The following TLR4 variants were observed in gnomAD, a reference collection of about 807,000 sequenced individuals.
TLR4 encodes the protein toll-like receptor 4.
A neutral mutation model predicts 27.4 loss-of-function variants in TLR4; 17 were observed. The ratio of observed to expected loss-of-function variants is 0.62; its 90% confidence interval spans 0.42 to 0.93. The LOEUF (loss-of-function observed/expected upper bound fraction) is 0.93. Ranked by LOEUF, TLR4 falls within the 40% of genes least tolerant of loss-of-function variation. The pLI, the probability that TLR4 is intolerant of heterozygous loss-of-function variation, is 0.00. For missense variants in TLR4, 926 were observed against 962.3 expected, an observed-to-expected ratio of 0.96 and a Z score of 0.50; for synonymous variants, 363 against 365.7, an observed-to-expected ratio of 0.99 and a Z score of 0.08.
intron 2 of TLR4, 70 bp from the exon 3 acceptor site, chr9:117,712,319 G>A: frequency 2.1e-6 from 3 of 1,438,266 alleles, no homozygotes; most frequent in Non-Finnish European, 2.9e-6. Flanking sequence ...GGATGACTAG[G>A]ATTAATATTC....
chr9:117,710,684 C>T (rs1305905941), intron 2 of TLR4, among the ~76,000 whole-genome samples: 1 of 152,064 alleles, frequency 6.6e-6, no homozygotes, highest in Non-Finnish European at 1.5e-5. Context: ...CATACAGTAA[C>T]TCAACTAGTC....
rs749686003 is a variant in TLR4 at position 117,712,905 on chromosome 9, T to C, written c.777T>C (p.Val259=). The change falls in exon 3 of 3, where the codon GTT becomes GTC. Residue 259 remains valine, a synonymous_variant. Transcript: ENST00000355622. ...CTGGTTTAGAAGTCCATCGTTTGGT[T>C]CTGGGAGAATTTAGAAATGAAGGAA... ...GLAGLEVHRL[V]LGEFRNEGNL... is the part of the protein sequence containing the mutation. 3.1e-6 allele frequency: 5 copies of C among 1,614,006 alleles called. No homozygotes were observed. In the African/African-American group the frequency reaches 5.3e-5, roughly 17 times the overall value.
Position 117,712,480 on chromosome 9 carries a change from G to C in TLR4, c.352G>C (p.Ala118Pro). The change falls in exon 3 of 3, where the codon GCC (alanine) becomes CCC (proline). Residue 118 changes from alanine to proline, a missense_variant. Ala to Pro is a conservative substitution (Grantham distance 27). Coordinates refer to ENST00000355622, the MANE Select transcript of TLR4 (RefSeq NM_138554.5). ...GACAGGAAACCCCATCCAGAGTTTA[G>C]CCCTGGGAGCCTTTTCTGGACTATC... Reference protein sequence around the residue: ...ILTGNPIQSLALGAFSGLSSL... With the variant: ...ILTGNPIQSLPLGAFSGLSSL... 6.2e-7 allele frequency: 1 copy of C among 1,613,866 alleles called. No homozygotes were observed. Among genetic ancestry groups the C allele is most frequent in the Non-Finnish European group, 8.5e-7 (1 of 1,179,900 alleles).
chr9:117,711,908 A>C (rs1285503998), intron 2 of TLR4, among the ~76,000 whole-genome samples: 3 of 152,150 alleles, frequency 2.0e-5, no homozygotes, highest in African/African-American at 7.2e-5. Context: ...TATCTGTGAC[A>C]CTTATGTGTA....
At chr9:117,706,677 A>T (rs1018948252) in intron 1 of TLR4, among the ~76,000 whole-genome samples, 2 of 152,074 alleles carry the variant, frequency 1.3e-5, no homozygotes, top group Non-Finnish European at 2.9e-5. Flanking sequence ...CCCTTTCCAC[A>T]TATCTAAACC....
At position 117,708,908 on chromosome 9, in the gene TLR4, G is replaced by A; in HGVS notation, c.260+179G>A. ...AGCTACCTCTATTCTCCAGGTCTCA[G>A]TTTTCTAATCTGTGAAGTAGGCAGT... On this transcript the variant is annotated intron_variant, in intron 2 of 2. Transcript: ENST00000355622. The A allele has an allele frequency of 8.2e-6, 6 of 734,994 alleles. No homozygotes were observed. The South Asian group carries it at 1.2e-4, about 14-fold the overall frequency. The allele number at this position is 734,994 out of a possible 1,614,324, so 45.5% of individuals were successfully genotyped here. A position where few individuals can be genotyped will look rare whatever the true frequency, so the allele number is the denominator to read the frequency against.
rs778149174 is a variant in TLR4, at chr9:117,720,855, C to T, written c.*6207C>T. 5.9e-5 allele frequency: 9 copies of T among 152,312 alleles called. No homozygotes were observed. The highest frequency in any genetic ancestry group is 5.9e-4 in the Admixed American group (9 of 15,276). The allele number at this position is 152,312 out of a possible 1,614,324, so 9.4% of individuals were successfully genotyped here. On this transcript the variant is annotated 3_prime_UTR_variant, in exon 3 of 3. Coordinates refer to ENST00000355622, the MANE Select transcript of TLR4 (RefSeq NM_138554.5). ...TCGGCCGTGAGATGCTAGTGCATGA[C>T]CCTTCCTCTTCCTGGGACTGTCCTT... is the stretch of plus-strand genomic sequence containing the variant.
chr9:117,714,727 C>A lies in TLR4; in HGVS notation c.*79C>A. ...TTGTTCAGTTAATAAGTATTAAATG[C>A]TGCCACATGTCAGGCCTTATGCTAA... On this transcript the variant is annotated 3_prime_UTR_variant, in exon 3 of 3. Transcript: ENST00000355622. The A allele has an allele frequency of 8.1e-7, 1 of 1,239,542 alleles. No homozygotes were observed. Among genetic ancestry groups the A allele is most frequent in the Non-Finnish European group, 1.2e-6 (1 of 855,712 alleles). The allele number at this position is 1,239,542 out of a possible 1,614,324, so 76.8% of individuals were successfully genotyped here.
chr9:117,712,387 AG>A lies in TLR4; in HGVS notation c.261del, dbSNP rs1564265138. 6.2e-7 allele frequency: 1 copy of A among 1,612,542 alleles called. No homozygotes were observed. The highest frequency in any genetic ancestry group is 2.2e-5 in the East Asian group (1 of 44,828). ...ATAATCAATGTCTTTTTATTCCTGT[AG>A]GTGTGAAATCCAGACAATTGAAGAT... On this transcript the variant is annotated splice_acceptor_variant, in intron 2 of 2. Transcript: ENST00000355622. LOFTEE classifies it high-confidence loss of function.
chr9:117,719,211 A>G lies in TLR4; in HGVS notation c.*4563A>G, dbSNP rs978475111. On this transcript the variant is annotated 3_prime_UTR_variant, in exon 3 of 3. Transcript: ENST00000355622. The stretch of plus-strand genomic sequence containing the variant: ...TACAATAGTTACATTTAATTGATCA[A>G]TTGTTTTATGCAAGGGCTTTATTTG... 1 of 152,096 alleles carries G rather than the reference A, an allele frequency of 6.6e-6. No homozygotes were observed. Among genetic ancestry groups the G allele is most frequent in the South Asian group, 2.1e-4 (1 of 4,826 alleles). 9.4% of individuals were successfully genotyped at this position (152,096 alleles called of 1,614,324 possible).
At chr9:117,705,783 A>T (rs533023055) in intron 1 of TLR4, among the ~76,000 whole-genome samples, 1 of 152,220 alleles carries the variant, frequency 6.6e-6, no homozygotes, top group South Asian at 2.1e-4. Context: ...CTTAGGCTTC[A>T]ATCTAACAAA....
rs1027913772 is a variant in TLR4 at position 117,716,890 on chromosome 9, AT to A, written c.*2243del. The A allele has an allele frequency of 6.6e-6, 1 of 152,216 alleles. No homozygotes were observed. The highest frequency in any genetic ancestry group is 1.5e-5 in the Non-Finnish European group (1 of 68,032). 9.4% of individuals were successfully genotyped at this position (152,216 alleles called of 1,614,324 possible). ...ATATCAATTATGTCTGAATGAAGCTATAAAAAAGAAAAGACAACAAAATTCA... is the reference window on the plus strand; with the variant it reads ...ATATCAATTATGTCTGAATGAAGCTAAAAAAAGAAAAGACAACAAAATTCA... On this transcript the variant is annotated 3_prime_UTR_variant, in exon 3 of 3. Coordinates refer to ENST00000355622, the MANE Select transcript of TLR4 (RefSeq NM_138554.5).
intron 1 of TLR4, chr9:117,708,305 G>A (rs1233785381): frequency 1.9e-5 from 24 of 1,259,086 alleles, no homozygotes; most frequent in East Asian, 3.9e-5. Context: ...AAATGCTGCC[G>A]TTTTATCACG....
rs1379469702 is a variant in TLR4 at position 117,716,983 on chromosome 9, G to C, written c.*2335G>C. On this transcript the variant is annotated 3_prime_UTR_variant, in exon 3 of 3. Transcript: ENST00000355622. Reference sequence around the variant, plus strand: ...TTACTGAGTGTTTCAGAGTGTGTTTGGTTTGAGCAGGTCTAGGGTGATTGA... The same window carrying C: ...TTACTGAGTGTTTCAGAGTGTGTTTCGTTTGAGCAGGTCTAGGGTGATTGA... 1.3e-5 allele frequency: 2 copies of C among 152,158 alleles called. No individual in the cohort carries two copies. Among genetic ancestry groups the C allele is most frequent in the Admixed American group, 1.3e-4 (2 of 15,284 alleles). The allele number at this position is 152,158 out of a possible 1,614,324, so 9.4% of individuals were successfully genotyped here. A position where few individuals can be genotyped will look rare whatever the true frequency, so the allele number is the denominator to read the frequency against.
intron 2 of TLR4, among the ~76,000 whole-genome samples, chr9:117,711,487 T>A (rs1829230305): frequency 2.6e-5 from 4 of 152,144 alleles, no homozygotes; most frequent in Admixed American, 2.6e-4. Flanking sequence ...TCAAAACCCT[T>A]TATCTGGTTG....
chr9:117,709,607 T>C (rs550877698), intron 2 of TLR4, among the ~76,000 whole-genome samples: 18 of 152,300 alleles, frequency 1.2e-4, no homozygotes, highest in Admixed American at 2.6e-4. Context: ...AACTAGATAA[T>C]GGATCATGTT....
At chr9:117,711,771 A>T (rs1021857436) in intron 2 of TLR4, among the ~76,000 whole-genome samples, 1 of 152,210 alleles carries the variant, frequency 6.6e-6, no homozygotes, top group African/African-American at 2.4e-5. Context: ...GTGAACTCTT[A>T]TAGCACATAA....
chr9:117,709,717 G>A (rs1009704858), intron 2 of TLR4, among the ~76,000 whole-genome samples: 2 of 152,044 alleles, frequency 1.3e-5, no homozygotes, highest in African/African-American at 4.8e-5. Context: ...ATCCTTTTTA[G>A]AGCAGACATT....
At chr9:117,711,410 C>A (rs5030709) in intron 2 of TLR4, among the ~76,000 whole-genome samples, 1 of 152,204 alleles carries the variant, frequency 6.6e-6, no homozygotes, top group African/African-American at 2.4e-5. Flanking sequence ...TGCATCAAAG[C>A]CCTGTCTCTA....
Sources: gnomAD v4.1 joint callset for allele counts (sites outside exome capture counted in the v4.1 genomes callset) on GRCh38, gnomAD v4.1.1 for gene constraint, MANE v1.5 for transcripts, NCBI Gene and HGNC (gene_info 2026-07-23, HGNC 2026-07-21) for gene names.